The following TJP1 variants were observed in gnomAD, a reference collection of about 807,000 sequenced individuals.
TJP1 encodes the protein tight junction protein ZO-1.
Under a neutral mutation model 194.2 loss-of-function variants are expected in TJP1, and 43 were observed. That is an observed-to-expected ratio of 0.22 (90% confidence interval 0.17 to 0.29). The LOEUF is 0.29. Among genes scored for constraint, TJP1 ranks in the 10% least tolerant of loss-of-function variants. The pLI, the probability that TJP1 is intolerant of heterozygous loss-of-function variation, is 1.00. For missense variants in TJP1, 1,971 were observed against 2,185.7 expected, an observed-to-expected ratio of 0.90 and a Z score of 1.96; for synonymous variants, 801 against 779.0, an observed-to-expected ratio of 1.03 and a Z score of -0.47.
chr15:29,949,577 ACCACCTCCACCTCCACAACCACCACCT>A (rs2055516991), intron 2 of TJP1, among the ~76,000 whole-genome samples: 1 of 112,696 alleles, frequency 8.9e-6, no homozygotes, highest in Non-Finnish European at 1.8e-5. Context: ...TTCCACAACC[ACCACCTCCACCTCCACAACCACCACCT>A]CCACCTTCAC....
At chr15:29,902,851 C>T (rs748568347) in intron 2 of TJP1, among the ~76,000 whole-genome samples, 25 of 152,108 alleles carry the variant, frequency 1.6e-4, no homozygotes, top group African/African-American at 3.4e-4. Flanking sequence ...CTGGCCAACA[C>T]GGTGAAACCC....
At chr15:29,927,439 A>G (rs1469822864) in intron 2 of TJP1, among the ~76,000 whole-genome samples, 1 of 152,222 alleles carries the variant, frequency 6.6e-6, no homozygotes, top group Non-Finnish European at 1.5e-5. Context: ...TGTAAAAAGA[A>G]AAGTAAACCC....
intron 8 of TJP1, among the ~76,000 whole-genome samples, chr15:29,743,721 C>T (rs2044578622): frequency 6.6e-6 from 1 of 151,918 alleles, no homozygotes; most frequent in African/African-American, 2.4e-5. Flanking sequence ...AACAAGACTC[C>T]GTCTCTTTGA....
intron 8 of TJP1, among the ~76,000 whole-genome samples, chr15:29,755,571 C>G (rs757670894): frequency 6.6e-6 from 1 of 152,194 alleles, no homozygotes; most frequent in Non-Finnish European, 1.5e-5. Flanking sequence ...AGAGGCATTT[C>G]TCAGGAGGAA....
chr15:29,828,973 G>A (rs1250413546), intron 2 of TJP1, among the ~76,000 whole-genome samples: 1 of 151,952 alleles, frequency 6.6e-6, no homozygotes, highest in Non-Finnish European at 1.5e-5. Context: ...GGCTGGTCTC[G>A]AACTCCTGAC....
chr15:29,897,750 A>G (rs1463838314), intron 2 of TJP1, among the ~76,000 whole-genome samples: 3 of 152,158 alleles, frequency 2.0e-5, no homozygotes, highest in Admixed American at 1.3e-4. Context: ...AAAGGAGAAC[A>G]TTTTGGAGCT....
chr15:29,756,825 C>A (rs2045672212), intron 8 of TJP1, among the ~76,000 whole-genome samples: 1 of 152,162 alleles, frequency 6.6e-6, no homozygotes, highest in Non-Finnish European at 1.5e-5. Context: ...CCCAGGTCAA[C>A]AACATAACCC....
intron 2 of TJP1, among the ~76,000 whole-genome samples, chr15:29,949,611 T>TCACCACCACCACCTCCACCTC (rs2055528294): frequency 4.4e-5 from 1 of 22,604 alleles, no homozygotes; most frequent in Non-Finnish European, 9.1e-5. Context: ...ACCTCCACCT[T>TCACCACCACCACCTCCACCTC]CACCACCACC....
At chr15:29,765,687 T>A (rs2046288515) in intron 5 of TJP1, among the ~76,000 whole-genome samples, 1 of 152,096 alleles carries the variant, frequency 6.6e-6, no homozygotes, top group Non-Finnish European at 1.5e-5. Context: ...GCTTACCAAT[T>A]TGAGAACAGC....
At chr15:29,799,977 G>A (rs2048677924) in intron 2 of TJP1, among the ~76,000 whole-genome samples, 2 of 152,148 alleles carry the variant, frequency 1.3e-5, no homozygotes, top group South Asian at 4.1e-4. Context: ...AATTTTGAGA[G>A]ACACTTAACT....
At chr15:29,876,796 G>A (rs935239447) in intron 2 of TJP1, among the ~76,000 whole-genome samples, 4 of 152,272 alleles carry the variant, frequency 2.6e-5, no homozygotes, top group East Asian at 3.9e-4. Flanking sequence ...TGCAGAATCC[G>A]GGTGCAATGT....
At chr15:29,896,314 C>T (rs2053475302) in intron 2 of TJP1, among the ~76,000 whole-genome samples, 1 of 152,148 alleles carries the variant, frequency 6.6e-6, no homozygotes, top group South Asian at 2.1e-4. Context: ...AGGGGAGTTT[C>T]CCTTCACAAG....
At chr15:29,809,533 A>T (rs1326598996) in intron 1 of TJP1, among the ~76,000 whole-genome samples, 2 of 152,224 alleles carry the variant, frequency 1.3e-5, no homozygotes, top group South Asian at 4.1e-4. Flanking sequence ...AGGAAAGTTG[A>T]CATTTAACAC....
intron 2 of TJP1, among the ~76,000 whole-genome samples, chr15:29,887,532 C>T (rs1181049360): frequency 2.6e-5 from 4 of 151,788 alleles, no homozygotes; most frequent in South Asian, 2.1e-4. Flanking sequence ...AACTCCTGAC[C>T]TCAGATGATC....
intron 1 of TJP1, among the ~76,000 whole-genome samples, chr15:29,813,849 A>G (rs1187848565): frequency 6.6e-6 from 1 of 152,204 alleles, no homozygotes; most frequent in Non-Finnish European, 1.5e-5. Context: ...CACCTACAAC[A>G]GTGATTGGTA....
At chr15:29,851,756 C>T (rs1352476854) in intron 2 of TJP1, among the ~76,000 whole-genome samples, 1 of 152,210 alleles carries the variant, frequency 6.6e-6, no homozygotes, top group South Asian at 2.1e-4. Context: ...ATATAAAGAT[C>T]AGTGGAACCC....
chr15:29,795,738 C>A (rs1162004956), intron 2 of TJP1, among the ~76,000 whole-genome samples: 1 of 152,048 alleles, frequency 6.6e-6, no homozygotes, highest in Admixed American at 6.6e-5. Context: ...AAAGTACTGA[C>A]CAATAAAACA....
At chr15:29,852,226 C>A (rs2051669659) in intron 2 of TJP1, among the ~76,000 whole-genome samples, 1 of 152,132 alleles carries the variant, frequency 6.6e-6, no homozygotes, top group Admixed American at 6.5e-5. Context: ...AACCACATAT[C>A]TGACAAAGGA....
At chr15:29,757,339 TCA>T in intron 8 of TJP1, among the ~76,000 whole-genome samples, 1 of 152,314 alleles carries the variant, frequency 6.6e-6, no homozygotes, top group South Asian at 2.1e-4. Context: ...GAAACCTTTC[TCA>T]CAGAGACCAG....
Sources: allele counts gnomAD v4.1 joint callset (sites outside exome capture counted in the v4.1 genomes callset), GRCh38; gene constraint gnomAD v4.1.1; transcripts MANE v1.5; gene names NCBI Gene and HGNC (gene_info 2026-07-23, HGNC 2026-07-21).